Variants in MBNL1 observed in about 807,000 individuals in gnomAD.
MBNL1 encodes muscleblind like splicing regulator 1, also known as muscleblind-like protein 1.
In MBNL1, 8 loss-of-function variants were observed where a neutral mutation model predicts 42.2. The ratio of observed to expected loss-of-function variants is 0.19; its 90% CI spans 0.11 to 0.34. The LOEUF is 0.34. Among genes scored for constraint, MBNL1 ranks in the 10% least tolerant of loss-of-function variants. The pLI is 1.00. For synonymous variants in MBNL1, 169 were observed against 173.9 expected (o/e 0.97, Z 0.22); for missense variants, 309 against 495.3 (o/e 0.62, Z 3.57).
At chr3:152,248,379 G>A (rs910892965) in intron 2 of MBNL1, among the ~76,000 whole-genome samples, 1 of 151,892 alleles carries the variant, frequency 6.6e-6, no homozygotes, top group African/African-American at 2.4e-5. Context: ...ATAATTGGAA[G>A]CTCATATAAG....
chr3:152,390,613 G>GCGCA (rs34259730), intron 2 of MBNL1, among the ~76,000 whole-genome samples: 68 of 147,252 alleles, frequency 4.6e-4, no homozygotes, highest in Non-Finnish European at 8.1e-4. Flanking sequence ...GTATTGTTAT[G>GCGCA]CACACACACA....
chr3:152,254,430 C>G (rs1418044744), intron 2 of MBNL1, among the ~76,000 whole-genome samples: 1 of 152,148 alleles, frequency 6.6e-6, no homozygotes, highest in Non-Finnish European at 1.5e-5. Context: ...CATGCACCCA[C>G]TCTTCCTTGA....
chr3:152,370,897 A>G (rs141495725), intron 2 of MBNL1, among the ~76,000 whole-genome samples: 1,651 of 151,300 alleles, frequency 0.011, 12 homozygotes, highest in Non-Finnish European at 0.018. Context: ...GTGTCTTTGC[A>G]TGTGAGATGG....
intron 2 of MBNL1, among the ~76,000 whole-genome samples, chr3:152,343,814 T>C (rs2093764885): frequency 1.3e-5 from 2 of 152,116 alleles, no homozygotes; most frequent in African/African-American, 4.8e-5. Context: ...TTGAAAGCCA[T>C]TGGAATCCAT....
intron 2 of MBNL1, among the ~76,000 whole-genome samples, chr3:152,398,719 T>C (rs2098090870): frequency 6.6e-6 from 1 of 152,194 alleles, no homozygotes; most frequent in Admixed American, 6.5e-5. Flanking sequence ...CAGCTTTGCT[T>C]ATGTCCTTTC....
intron 2 of MBNL1, among the ~76,000 whole-genome samples, chr3:152,318,092 A>G (rs1485969616): frequency 6.6e-6 from 1 of 152,242 alleles, no homozygotes; most frequent in Non-Finnish European, 1.5e-5. Flanking sequence ...CTTAGCCTGT[A>G]GTATATTTTG....
At chr3:152,252,006 T>C (rs1250075813) in intron 2 of MBNL1, among the ~76,000 whole-genome samples, 2 of 152,112 alleles carry the variant, frequency 1.3e-5, no homozygotes, top group African/African-American at 4.8e-5. Flanking sequence ...ATTTAATTAT[T>C]AATTTATGTA....
chr3:152,438,206 G>C (rs1472223968), intron 4 of MBNL1, among the ~76,000 whole-genome samples: 1 of 152,116 alleles, frequency 6.6e-6, no homozygotes, highest in Non-Finnish European at 1.5e-5. Flanking sequence ...ACGATATTCA[G>C]TAGAAAACTG....
chr3:152,312,227 A>G (rs972536640), intron 2 of MBNL1, among the ~76,000 whole-genome samples: 15 of 151,912 alleles, frequency 9.9e-5, no homozygotes, highest in Non-Finnish European at 4.4e-5. Context: ...TGTATCTCAA[A>G]TATTAGAATT....
chr3:152,325,265 G>A (rs2079073516), intron 2 of MBNL1, among the ~76,000 whole-genome samples: 1 of 151,674 alleles, frequency 6.6e-6, no homozygotes, highest in South Asian at 2.1e-4. Context: ...TAACTGTTTT[G>A]CCTCTTTGCT....
intron 2 of MBNL1, among the ~76,000 whole-genome samples, chr3:152,398,146 A>C (rs1490350575): frequency 6.6e-6 from 1 of 152,234 alleles, no homozygotes; most frequent in Non-Finnish European, 1.5e-5. Flanking sequence ...AGTGCAATGA[A>C]ACAAGATATG....
At chr3:152,457,853 A>G in intron 8 of MBNL1, 1 of 361,224 alleles carries the variant, frequency 2.8e-6, no homozygotes, top group Non-Finnish European at 5.1e-6. Flanking sequence ...CCTGGGTTGT[A>G]GGGGACACTT....
chr3:152,282,052 T>C (rs547197362), intron 1 of MBNL1, among the ~76,000 whole-genome samples: 1 of 152,242 alleles, frequency 6.6e-6, no homozygotes, highest in Non-Finnish European at 1.5e-5. Flanking sequence ...AAAAATGAAA[T>C]AGAATAAATG....
At chr3:152,400,806 A>G (rs916374589) in intron 2 of MBNL1, among the ~76,000 whole-genome samples, 3 of 152,222 alleles carry the variant, frequency 2.0e-5, no homozygotes, top group African/African-American at 7.2e-5. Context: ...AAATAGAAGT[A>G]TCAGTTAACT....
intron 2 of MBNL1, among the ~76,000 whole-genome samples, chr3:152,362,272 T>C (rs932233854): frequency 1.3e-5 from 2 of 152,152 alleles, no homozygotes; most frequent in Admixed American, 6.5e-5. Flanking sequence ...TTCTCTGTGC[T>C]CACTGCCGCG....
At chr3:152,443,056 T>C (rs1249108595) in intron 4 of MBNL1, among the ~76,000 whole-genome samples, 1 of 152,162 alleles carries the variant, frequency 6.6e-6, no homozygotes, top group African/African-American at 2.4e-5. Context: ...GTTGGTTTTA[T>C]GACACATTCT....
At chr3:152,340,821 A>G (rs1165603412) in intron 2 of MBNL1, 6 of 1,613,940 alleles carry the variant, frequency 3.7e-6, no homozygotes, top group Non-Finnish European at 4.2e-6. Context: ...TTGCATAACC[A>G]CTGATCCCAC....
intron 1 of MBNL1, among the ~76,000 whole-genome samples, chr3:152,271,876 A>G (rs970882116): frequency 2.0e-5 from 3 of 152,174 alleles, no homozygotes; most frequent in Non-Finnish European, 2.9e-5. Flanking sequence ...TGTCTTGTCC[A>G]GATTGAGAAG....
At chr3:152,269,727 TTC>T (rs976083625) in intron 1 of MBNL1, 263 of 233,450 alleles carry the variant, frequency 1.1e-3, no homozygotes, top group South Asian at 2.8e-3. Flanking sequence ...TTTCTTCTTC[TTC>T]TTTTTTTTTT....
Sources: gnomAD v4.1 joint callset for allele counts (sites outside exome capture counted in the v4.1 genomes callset) on GRCh38, gnomAD v4.1.1 for gene constraint, MANE v1.5 for transcripts, NCBI Gene and HGNC (gene_info 2026-07-23, HGNC 2026-07-21) for gene names.